LIPI: variants seen among roughly 807,000 people sequenced by gnomAD.
LIPI encodes the protein lipase I, also known as lipase member I.
A neutral mutation model predicts 50.6 loss-of-function variants in LIPI; 59 were observed. That is an observed-to-expected ratio of 1.16 (90% CI 0.94 to 1.45). LIPI has a LOEUF of 1.45. Among genes scored for constraint, LIPI ranks in the 40% most tolerant of loss-of-function variants. LIPI has a pLI of 0.00. For missense variants in LIPI, 586 were observed against 536.3 expected, an observed-to-expected ratio of 1.09 and a Z score of -0.92; for synonymous variants, 203 against 178.2, an observed-to-expected ratio of 1.14 and a Z score of -1.11.
At chr21:14,114,684 A>T (rs1472096581) in intron 9 of LIPI, among the ~76,000 whole-genome samples, 2 of 152,198 alleles carry the variant, frequency 1.3e-5, no homozygotes, top group African/African-American at 2.4e-5. Flanking sequence ...TGGTCAGGAC[A>T]TGCCTGAGTC....
intron 1 of LIPI, among the ~76,000 whole-genome samples, chr21:14,193,402 G>T (rs1045977961): frequency 1.3e-5 from 2 of 151,990 alleles, no homozygotes; most frequent in Non-Finnish European, 2.9e-5. Context: ...TGCTATCAAT[G>T]ATAATTTTAA....
At chr21:14,116,803 G>A (rs1010163798) in intron 9 of LIPI, among the ~76,000 whole-genome samples, 7 of 151,870 alleles carry the variant, frequency 4.6e-5, no homozygotes, top group African/African-American at 1.2e-4. Flanking sequence ...CTAGTGGCTC[G>A]AACAAAACAA....
At chr21:14,207,955 C>T (rs2020270213) in intron 1 of LIPI, among the ~76,000 whole-genome samples, 1 of 152,104 alleles carries the variant, frequency 6.6e-6, no homozygotes, top group Non-Finnish European at 1.5e-5. Flanking sequence ...AGATGACATG[C>T]CACCAGGACA....
At chr21:14,169,839 C>T (rs2018828134) in intron 4 of LIPI, among the ~76,000 whole-genome samples, 1 of 152,014 alleles carries the variant, frequency 6.6e-6, no homozygotes, top group Non-Finnish European at 1.5e-5. Context: ...CATAAGCTAG[C>T]AGAAGGCAAG....
chr21:14,208,429 A>C (rs1016908024), intron 1 of LIPI, among the ~76,000 whole-genome samples: 1 of 152,234 alleles, frequency 6.6e-6, no homozygotes, highest in Admixed American at 6.5e-5. Context: ...AGAAAGCTGA[A>C]TTATTCTACC....
chr21:14,206,694 A>G (rs1425634997), intron 1 of LIPI: 1 of 674,294 alleles, frequency 1.5e-6, no homozygotes, highest in Non-Finnish European at 2.6e-6. Flanking sequence ...CAACAACAAT[A>G]TTAACCACAT....
At chr21:14,179,345 T>C (rs1278259140) in intron 4 of LIPI, among the ~76,000 whole-genome samples, 2 of 152,050 alleles carry the variant, frequency 1.3e-5, no homozygotes, top group African/African-American at 4.8e-5. Context: ...CAGGTACATA[T>C]GCAGCATCAA....
intron 8 of LIPI, among the ~76,000 whole-genome samples, chr21:14,151,342 A>C (rs2018082948): frequency 6.6e-6 from 1 of 152,176 alleles, no homozygotes; most frequent in Non-Finnish European, 1.5e-5. Context: ...CAGAGTTTAG[A>C]TGTCACTATG....
At chr21:14,198,154 C>T (rs2019927168) in intron 1 of LIPI, among the ~76,000 whole-genome samples, 1 of 152,068 alleles carries the variant, frequency 6.6e-6, no homozygotes, top group African/African-American at 2.4e-5. Flanking sequence ...CTTTACCAGC[C>T]ATTACAAAAA....
chr21:14,163,679 A>G (rs1438489285), intron 6 of LIPI, among the ~76,000 whole-genome samples, 156 bp from the exon 7 acceptor site: 3 of 148,566 alleles, frequency 2.0e-5, no homozygotes, highest in African/African-American at 7.4e-5. Flanking sequence ...ATAATGTAGC[A>G]TTCCATTTAT....
intron 7 of LIPI, among the ~76,000 whole-genome samples, chr21:14,154,463 C>T (rs953185462): frequency 9.2e-5 from 14 of 151,520 alleles, no homozygotes; most frequent in Admixed American, 9.2e-4. Context: ...ACGTTAAAAC[C>T]AGAAGGAAGG....
intron 1 of LIPI, among the ~76,000 whole-genome samples, chr21:14,193,985 A>C (rs1414758263): frequency 6.6e-6 from 1 of 152,184 alleles, no homozygotes; most frequent in African/African-American, 2.4e-5. Flanking sequence ...CAAAGACTTA[A>C]ATTGACTTAT....
intron 7 of LIPI, among the ~76,000 whole-genome samples, chr21:14,153,149 T>C (rs2018156894): frequency 6.6e-6 from 1 of 152,154 alleles, no homozygotes; most frequent in Admixed American, 6.6e-5. Context: ...AATATATATA[T>C]AAGGTAAGGT....
intron 9 of LIPI, among the ~76,000 whole-genome samples, chr21:14,116,378 C>T (rs12482507): frequency 0.32 from 48,724 of 151,884 alleles, 7,969 homozygotes; most frequent in East Asian, 0.45. Flanking sequence ...TTGGGTGTGA[C>T]CTGGCCAAGC....
intron 1 of LIPI, among the ~76,000 whole-genome samples, chr21:14,191,206 G>A (rs2019660273): frequency 6.6e-6 from 1 of 151,596 alleles, no homozygotes; most frequent in South Asian, 2.1e-4. Context: ...GTGAAACCCC[G>A]TCTCTACTAA....
chr21:14,181,490 A>T (rs1442369915), intron 4 of LIPI, among the ~76,000 whole-genome samples: 1 of 152,074 alleles, frequency 6.6e-6, no homozygotes, highest in Non-Finnish European at 1.5e-5. Context: ...AACAGAATGA[A>T]CTCTTAGTTA....
intron 9 of LIPI, among the ~76,000 whole-genome samples, chr21:14,124,561 A>G (rs1405508411): frequency 6.6e-6 from 1 of 152,196 alleles, no homozygotes; most frequent in African/African-American, 2.4e-5. Context: ...CAAGGTTGAT[A>G]CAGAAACATG....
chr21:14,190,689 G>A (rs962373224), intron 1 of LIPI, among the ~76,000 whole-genome samples: 11 of 152,010 alleles, frequency 7.2e-5, no homozygotes, highest in Non-Finnish European at 1.6e-4. Flanking sequence ...AGAGATATTT[G>A]GAAAAATTAT....
At chr21:14,115,695 G>A (rs928027693) in intron 9 of LIPI, among the ~76,000 whole-genome samples, 1 of 152,148 alleles carries the variant, frequency 6.6e-6, no homozygotes, top group East Asian at 1.9e-4. Context: ...CCTTGACAGT[G>A]CAAACGGAAC....
Sources: allele counts gnomAD v4.1 joint callset (sites outside exome capture counted in the v4.1 genomes callset), GRCh38; gene constraint gnomAD v4.1.1; transcripts MANE v1.5; gene names NCBI Gene and HGNC (gene_info 2026-07-23, HGNC 2026-07-21).